The following FBXO34 variants were observed in gnomAD, a reference collection of about 807,000 sequenced individuals.
FBXO34 encodes F-box only protein 34.
In FBXO34, 12 loss-of-function variants were observed where a neutral mutation model predicts 24.5. The observed-to-expected ratio is 0.49, with a 90% CI of 0.31 to 0.79. The LOEUF is 0.79. Among genes scored for constraint, FBXO34 ranks in the 30% least tolerant of loss-of-function variants. The probability of loss-of-function intolerance (pLI) is 0.04; values close to 1 mark genes in which losing one functional copy is unlikely to be tolerated. For missense variants in FBXO34, 823 were observed against 857.7 expected (o/e 0.96, Z 0.51); for synonymous variants, 320 against 311.9 (o/e 1.03, Z -0.27).
the FBXO34 span, among the ~76,000 whole-genome samples, chr14:55,426,595 T>C: frequency 1.3e-5 from 2 of 151,966 alleles, no homozygotes; most frequent in Non-Finnish European, 2.9e-5. Context: ...GAATACACAC[T>C]CTGGAGTTGT....
chr14:55,298,635 C>T (rs1027078520), intron 1 of FBXO34: 13 of 1,379,078 alleles, frequency 9.4e-6, no homozygotes, highest in Admixed American at 4.4e-5. Flanking sequence ...AAGGCTGGCG[C>T]GGCGAGCGCT....
intron 1 of FBXO34, among the ~76,000 whole-genome samples, chr14:55,305,521 C>G (rs1882512260): frequency 6.6e-6 from 1 of 151,734 alleles, no homozygotes; most frequent in Non-Finnish European, 1.5e-5. Context: ...ATGGTGAAAC[C>G]CCATTTCCAC....
the FBXO34 span, chr14:55,411,821 A>T: frequency 6.3e-7 from 1 of 1,590,986 alleles, no homozygotes; most frequent in Non-Finnish European, 8.6e-7. Flanking sequence ...GGGAGACGCC[A>T]TGATGGCCTG....
At chr14:55,378,238 A>G in the FBXO34 span, among the ~76,000 whole-genome samples, 1 of 152,372 alleles carries the variant, frequency 6.6e-6, no homozygotes, top group South Asian at 2.1e-4. Context: ...CCCCTCAGAG[A>G]ACAATTATAC....
chr14:55,306,805 C>G (rs1246729482), intron 1 of FBXO34, among the ~76,000 whole-genome samples: 2 of 150,558 alleles, frequency 1.3e-5, no homozygotes, highest in African/African-American at 4.9e-5. Context: ...GGCAGTTCAG[C>G]CTGGGTGACA....
chr14:55,305,775 G>C (rs568242523), intron 1 of FBXO34, among the ~76,000 whole-genome samples: 290 of 152,204 alleles, frequency 1.9e-3, no homozygotes, highest in Non-Finnish European at 3.0e-3. Context: ...TAGCTCAATA[G>C]CAGGATTTTT....
At chr14:55,423,984 G>A in the FBXO34 span, among the ~76,000 whole-genome samples, 61,207 of 152,102 alleles carry the variant, frequency 0.4, 14,308 homozygotes, top group East Asian at 0.59. Context: ...TGAAAAAAAT[G>A]TTGTTTTAGG....
chr14:55,411,390 G>T, the FBXO34 span, among the ~76,000 whole-genome samples: 1 of 152,198 alleles, frequency 6.6e-6, no homozygotes, highest in Non-Finnish European at 1.5e-5. Flanking sequence ...TCTTGGGTGG[G>T]TGATGGGGAA....
the FBXO34 span, chr14:55,436,442 A>G: frequency 1.7e-5 from 16 of 949,334 alleles, no homozygotes; most frequent in East Asian, 4.1e-4. Context: ...TGATAAAACA[A>G]AGAATTATGA....
intron 1 of FBXO34, among the ~76,000 whole-genome samples, chr14:55,337,332 A>G (rs1000328893): frequency 8.5e-5 from 13 of 152,130 alleles, no homozygotes; most frequent in Non-Finnish European, 1.8e-4. Context: ...TTCTCATTCT[A>G]TGGAACAATT....
At chr14:55,418,618 C>T in the FBXO34 span, among the ~76,000 whole-genome samples, 5 of 152,324 alleles carry the variant, frequency 3.3e-5, no homozygotes, top group East Asian at 9.6e-4. Flanking sequence ...TTTTCTGCTG[C>T]CCTCTGACCT....
At position 55,331,776 on chromosome 14, in the gene FBXO34, TATACCACCATG is replaced by T. The variant is rs1566559638; in HGVS notation, c.-10-18604_-10-18594del. On this transcript the variant is annotated intron_variant, in intron 1 of 1. Coordinates refer to ENST00000313833, the MANE Select transcript of FBXO34 (RefSeq NM_017943.4). Reference sequence around the variant, plus strand: ...ATATATATATGTATATATATATATATATACCACCATGGTGTATATATAAATATATATATATA... The same window carrying T: ...ATATATATATGTATATATATATATATGTGTATATATAAATATATATATATA... 2.7e-5 allele frequency among the ~76,000 whole-genome samples: 2 copies of T among 74,928 alleles called. 1 individual carries two copies. Among genetic ancestry groups the T allele is most frequent in the African/African-American group, 1.4e-4 (2 of 14,014 alleles). The allele number at this position is 74,928 out of a possible 152,430, so 49.2% of individuals were successfully genotyped here.
chr14:55,283,281 A>G lies in FBXO34; in HGVS notation c.-11+11744A>G, dbSNP rs186653685. On this transcript the variant is annotated intron_variant, in intron 1 of 1. Transcript: ENST00000313833. The stretch of plus-strand genomic sequence containing the variant: ...TATGATTAGATTGATAAAAAGCTAA[A>G]AAAAAATACACCAACATTTTTAACT... 2.8e-3 allele frequency among the ~76,000 whole-genome samples: 426 copies of G among 152,220 alleles called. 3 individuals carry two copies. Among genetic ancestry groups the G allele is most frequent in the Middle Eastern group, 0.014 (4 of 294 alleles).
the FBXO34 span, among the ~76,000 whole-genome samples, chr14:55,384,933 C>G: frequency 6.6e-6 from 1 of 152,200 alleles, no homozygotes; most frequent in Admixed American, 6.5e-5. Flanking sequence ...GGGGTGCCCT[C>G]TGGAACCTCT....
In FBXO34 at chr14:55,351,510, C is replaced by T; in HGVS notation, c.1120C>T (p.Pro374Ser). 1 of 1,614,060 alleles carries T rather than the reference C, an allele frequency of 6.2e-7. No homozygotes were observed. Reference sequence around the variant, plus strand: ...CTGGGACGGTGCTTCTCAGGACTGCCCCCCATTGCCAGCAGGAGTGAGTTT... The same window carrying T: ...CTGGGACGGTGCTTCTCAGGACTGCTCCCCATTGCCAGCAGGAGTGAGTTT... Reference protein sequence around the residue: ...QAWDGASQDCPPLPAGVSFHI... With the variant: ...QAWDGASQDCSPLPAGVSFHI... The change falls in exon 2 of 2, where the codon CCC becomes TCC. Residue 374 changes from proline (P) to serine (S), a missense_variant. By Grantham distance (74) the Pro-to-Ser change is moderately conservative (BLOSUM62 -1). Transcript: ENST00000313833.
intron 3 of FBXO34, among the ~76,000 whole-genome samples, chr14:55,360,094 T>A (rs899014440): frequency 2.0e-5 from 3 of 151,672 alleles, no homozygotes; most frequent in African/African-American, 7.3e-5. Context: ...TTTTTTTGAG[T>A]TGGAGTCTCG....
At chr14:55,299,364 A>G (rs1045147079) in intron 1 of FBXO34, 5 of 320,164 alleles carry the variant, frequency 1.6e-5, no homozygotes, top group Admixed American at 1.4e-4. Flanking sequence ...CTCTCTGCAT[A>G]GCATGGTCTG....
rs1884373250 is a variant in FBXO34, at chr14:55,351,505, A to G, written c.1115A>G (p.Asp372Gly). 6.2e-7 allele frequency: 1 copy of G among 1,614,132 alleles called. No homozygotes were observed. The highest frequency in any genetic ancestry group is 8.5e-7 in the Non-Finnish European group (1 of 1,180,018). The change falls in exon 2 of 2, where the codon GAC (aspartate) becomes GGC (glycine). Residue 372 changes from aspartate to glycine, a missense_variant. By Grantham distance (94) the Asp-to-Gly change is moderately conservative (BLOSUM62 -1). Coordinates refer to ENST00000313833, the MANE Select transcript of FBXO34 (RefSeq NM_017943.4). The part of the protein sequence containing the change: ...EDQAWDGASQ[D>G]CPPLPAGVSF... ...CAGGCCTGGGACGGTGCTTCTCAGG[A>G]CTGCCCCCCATTGCCAGCAGGAGTG...
chr14:55,410,326 A>G, the FBXO34 span, among the ~76,000 whole-genome samples: 2 of 152,360 alleles, frequency 1.3e-5, no homozygotes, highest in South Asian at 4.1e-4. Context: ...TTATGTGAAT[A>G]GACATAGTAA....
Sources: allele counts gnomAD v4.1 joint callset (sites outside exome capture counted in the v4.1 genomes callset), GRCh38; gene constraint gnomAD v4.1.1; transcripts MANE v1.5; gene names NCBI Gene and HGNC (gene_info 2026-07-23, HGNC 2026-07-21).